SLC44A1: variants seen among roughly 807,000 people sequenced by gnomAD.
SLC44A1 encodes solute carrier family 44 member 1.
A neutral mutation model predicts 79.3 loss-of-function variants in SLC44A1; 26 were observed. That is an observed-to-expected ratio of 0.33 (90% confidence interval 0.24 to 0.46). The LOEUF is 0.46. Ranked by LOEUF, SLC44A1 falls within the 20% of genes least tolerant of loss-of-function variation. The pLI is 1.00. For synonymous variants in SLC44A1, 263 were observed against 286.2 expected (o/e 0.92, Z 0.82); for missense variants, 688 against 798.1 (o/e 0.86, Z 1.66).
At position 105,385,473 on chromosome 9, in the gene SLC44A1, G is replaced by A. The variant is rs775225071; in HGVS notation, c.1921G>A (p.Val641Ile). Reference protein sequence around the residue: ...KAMKEAGKGGVADSRELKPMA... With the variant: ...KAMKEAGKGGIADSRELKPMA... ...AATGAAAGAAGCTGGTAAGGGAGGC[G>A]TCGCTGATTCCAGAGAGCTAAAGCC... The change falls in exon 15 of 16, where the codon GTC becomes ATC. Residue 641 changes from valine (V) to isoleucine (I), a missense_variant. By Grantham distance (29) the Val-to-Ile change is conservative. Coordinates refer to ENST00000374720, the MANE Select transcript of SLC44A1 (RefSeq NM_080546.5). 27 of 1,583,852 alleles carry A rather than the reference G, an allele frequency of 1.7e-5. No individual in the cohort carries two copies. Among genetic ancestry groups the A allele is most frequent in the Admixed American group, 5.5e-5 (3 of 54,604 alleles).
chr9:105,300,378 T>C (rs1830846747), intron 2 of SLC44A1, among the ~76,000 whole-genome samples: 1 of 152,188 alleles, frequency 6.6e-6, no homozygotes, highest in South Asian at 2.1e-4. Context: ...CTCATGTGTA[T>C]TTTTAACCCC....
chr9:105,303,252 G>T (rs905584343), intron 2 of SLC44A1, among the ~76,000 whole-genome samples: 2 of 151,764 alleles, frequency 1.3e-5, no homozygotes, highest in Non-Finnish European at 2.9e-5. Context: ...GTGGAATGAA[G>T]CTTGGGCCCA....
intron 1 of SLC44A1, among the ~76,000 whole-genome samples, chr9:105,270,863 A>G (rs1343903746): frequency 1.3e-5 from 2 of 152,222 alleles, no homozygotes; most frequent in Non-Finnish European, 2.9e-5. Flanking sequence ...AATTGTATCA[A>G]CTTACATTGT....
chr9:105,371,589 G>T (rs1188763450), intron 12 of SLC44A1, among the ~76,000 whole-genome samples: 1 of 151,726 alleles, frequency 6.6e-6, no homozygotes, highest in East Asian at 1.9e-4. Flanking sequence ...AAATTAGCCG[G>T]GTGCCTGTAG....
At chr9:105,360,721 A>G (rs1473833526) in intron 7 of SLC44A1, among the ~76,000 whole-genome samples, 2 of 152,208 alleles carry the variant, frequency 1.3e-5, no homozygotes, top group African/African-American at 4.8e-5. Flanking sequence ...CAAATACTTA[A>G]TCAACTGCAT....
chr9:105,368,199 C>CT (rs11286712), intron 12 of SLC44A1, among the ~76,000 whole-genome samples: 4,636 of 143,666 alleles, frequency 0.032, 89 homozygotes, highest in African/African-American at 0.058. Flanking sequence ...AGATGTTGGT[C>CT]TTTTTTTTTT....
In SLC44A1 at chr9:105,388,224, C is replaced by T. The variant is rs188570147; in HGVS notation, c.1951-809C>T. Among the ~76,000 whole-genome samples, 569 of 152,274 alleles carry T rather than the reference C, an allele frequency of 3.7e-3. 3 individuals are homozygous for T. Among genetic ancestry groups the T allele is most frequent in the African/African-American group, 0.013 (552 of 41,566 alleles). ...GCACCTTAGTACCTTCTTTATTTCT[C>T]TTCCATAGTATGCATGATTAGAGTT... On this transcript the variant is annotated intron_variant, in intron 15 of 15. Coordinates refer to ENST00000374720, the MANE Select transcript of SLC44A1 (RefSeq NM_080546.5).
At chr9:105,272,628 G>A (rs2131233294) in intron 1 of SLC44A1, among the ~76,000 whole-genome samples, 1 of 151,246 alleles carries the variant, frequency 6.6e-6, no homozygotes, top group African/African-American at 2.4e-5. Flanking sequence ...AAAGGTTAAA[G>A]GTCTAAGATT....
intron 10 of SLC44A1, 85 bp downstream of exon 10, chr9:105,364,805 C>A: frequency 9.9e-7 from 1 of 1,011,544 alleles, no homozygotes; most frequent in Non-Finnish European, 1.5e-6. Context: ...CAGACTGGGG[C>A]TGGCAGGAGT....
chr9:105,349,626 G>T (rs1173303946), intron 5 of SLC44A1, among the ~76,000 whole-genome samples: 1 of 152,116 alleles, frequency 6.6e-6, no homozygotes, highest in Non-Finnish European at 1.5e-5. Context: ...GAATATTAGG[G>T]AGGCTGTGGG....
At chr9:105,300,565 T>A (rs1362544174) in intron 2 of SLC44A1, among the ~76,000 whole-genome samples, 4 of 152,172 alleles carry the variant, frequency 2.6e-5, no homozygotes, top group Non-Finnish European at 4.4e-5. Context: ...CAATACATTT[T>A]AATGAGATAC....
At chr9:105,425,335 A>C (rs1210581757) in intron 15 of SLC44A1, among the ~76,000 whole-genome samples, 4 of 152,248 alleles carry the variant, frequency 2.6e-5, no homozygotes, top group African/African-American at 9.6e-5. Flanking sequence ...GGTATTAACC[A>C]AACAGGAAAA....
At chr9:105,356,129 C>A (rs1254999642) in intron 5 of SLC44A1, 83 bp from the exon 6 acceptor site, 3 of 1,052,556 alleles carry the variant, frequency 2.9e-6, no homozygotes, top group Non-Finnish European at 4.4e-6. Context: ...CAGCCATATT[C>A]ACCTTTCATT....
At position 105,358,337 on chromosome 9, in the gene SLC44A1, C is replaced by T. The variant is rs943107256; in HGVS notation, c.671-7C>T. The T allele has an allele frequency of 2.8e-6, 4 of 1,444,158 alleles. No individual in the cohort carries two copies. Among genetic ancestry groups the T allele is most frequent in the Non-Finnish European group, 2.9e-6 (3 of 1,029,850 alleles). 89.5% of individuals were successfully genotyped at this position (1,444,158 alleles called of 1,614,324 possible). ...AATATTCTATATGTTCTCTATCTTCCCTGCAGTTCTATCCATGATTTTGAT... is the reference window on the plus strand; with the variant it reads ...AATATTCTATATGTTCTCTATCTTCTCTGCAGTTCTATCCATGATTTTGAT... On this transcript the variant is annotated splice_polypyrimidine_tract_variant and splice_region_variant and intron_variant, in intron 6 of 15. Transcript: ENST00000374720.
In SLC44A1 at chr9:105,374,636, C is replaced by G. The variant is rs1256557173; in HGVS notation, c.1533C>G (p.Phe511Leu). ...CCACAGCTATCAACAGCACCAACTT[C>G]TGCACCTCAGCAAAGGATGCCTTTG... The part of the protein sequence containing the change: ...YTATAINSTN[F>L]CTSAKDAFVI... Residue 511 changes from phenylalanine to leucine, a missense_variant, in exon 13 of 16, where the codon TTC becomes TTG. Coordinates refer to ENST00000374720, the MANE Select transcript of SLC44A1 (RefSeq NM_080546.5). 6.2e-7 allele frequency: 1 copy of G among 1,614,032 alleles called. No homozygotes were observed. The highest frequency in any genetic ancestry group is 8.5e-7 in the Non-Finnish European group (1 of 1,179,988).
At chr9:105,264,343 A>G (rs1215072209) in intron 1 of SLC44A1, among the ~76,000 whole-genome samples, 2 of 151,960 alleles carry the variant, frequency 1.3e-5, no homozygotes, top group African/African-American at 4.8e-5. Flanking sequence ...TTTAAAAATT[A>G]TTTTGTAGAG....
chr9:105,348,946 A>G (rs1367246584), intron 5 of SLC44A1, among the ~76,000 whole-genome samples: 2 of 152,304 alleles, frequency 1.3e-5, no homozygotes, highest in East Asian at 1.9e-4. Flanking sequence ...GTTGTTTGCT[A>G]TATCTTATCC....
rs1756515368 is a variant in SLC44A1, at chr9:105,391,634, G to A, written c.*2578G>A. On this transcript the variant is annotated 3_prime_UTR_variant, in exon 16 of 16. Transcript: ENST00000374720. ...AGGATTTTAAGCAATATTTAAATGT[G>A]TTGAGGTTATGTTTGGATATTCCTG... The A allele has an allele frequency of 1.0e-6, 1 of 985,212 alleles. No individual in the cohort carries two copies. The highest frequency in any genetic ancestry group is 1.2e-6 in the Non-Finnish European group (1 of 829,896). The allele number at this position is 985,212 out of a possible 1,614,324, so 61.0% of individuals were successfully genotyped here.
At chr9:105,274,159 T>G (rs1396050453) in intron 1 of SLC44A1, among the ~76,000 whole-genome samples, 1 of 152,204 alleles carries the variant, frequency 6.6e-6, no homozygotes, top group Non-Finnish European at 1.5e-5. Context: ...CTTCATTCAT[T>G]CACTAGATAA....
Sources: allele counts gnomAD v4.1 joint callset (sites outside exome capture counted in the v4.1 genomes callset), GRCh38; gene constraint gnomAD v4.1.1; transcripts MANE v1.5; gene names NCBI Gene and HGNC (gene_info 2026-07-23, HGNC 2026-07-21).